Variants in FANCB observed in about 807,000 individuals in gnomAD.
FANCB encodes the protein Fanconi anemia group B protein.
In FANCB, 5 loss-of-function variants were observed where a neutral mutation model predicts 38.9. The ratio of observed to expected loss-of-function variants is 0.13; its 90% CI spans 0.07 to 0.27. FANCB has a LOEUF of 0.27. Among genes scored for constraint, FANCB ranks in the 10% least tolerant of loss-of-function variants. The pLI is 1.00. For synonymous variants in FANCB, 236 were observed against 215.4 expected (o/e 1.10, Z -0.84); for missense variants, 573 against 602.7 (o/e 0.95, Z 0.52).
At chrX:14,694,873 G>T in the FANCB span, among the ~76,000 whole-genome samples, 1 of 111,749 alleles carries the variant, frequency 8.9e-6, no homozygotes, top group Non-Finnish European at 1.9e-5. Flanking sequence ...AATTGAATAT[G>T]ACTCACAGAT....
the FANCB span, among the ~76,000 whole-genome samples, chrX:14,799,087 A>T: frequency 2.2e-4 from 25 of 111,810 alleles, no homozygotes; most frequent in South Asian, 1.9e-3. Flanking sequence ...TATTTGGTGC[A>T]AAAATGAGTG....
intron 2 of FANCB, among the ~76,000 whole-genome samples, chrX:14,867,972 A>G (rs1219881177): frequency 9.0e-6 from 1 of 111,472 alleles, no homozygotes; most frequent in Non-Finnish European, 1.9e-5. Flanking sequence ...CAATATCACT[A>G]ATCATCAGGG....
the FANCB span, among the ~76,000 whole-genome samples, chrX:14,799,064 C>G: frequency 9.0e-6 from 1 of 111,626 alleles, no homozygotes; most frequent in East Asian, 2.8e-4. Context: ...CATGACTGTT[C>G]CAGGAACATT....
the FANCB span, among the ~76,000 whole-genome samples, chrX:14,699,278 A>G: frequency 8.9e-6 from 1 of 112,161 alleles, no homozygotes; most frequent in African/African-American, 3.2e-5. Context: ...TGGCTGCACC[A>G]TGCCTTACTT....
At chrX:14,701,240 G>A in the FANCB span, among the ~76,000 whole-genome samples, 1 of 111,161 alleles carries the variant, frequency 9.0e-6, no homozygotes. Context: ...TCCATCGGAC[G>A]TAGGGGAAAT....
At chrX:14,737,817 A>C in the FANCB span, among the ~76,000 whole-genome samples, 10 of 112,127 alleles carry the variant, frequency 8.9e-5, no homozygotes, top group African/African-American at 3.2e-4. Context: ...CTTATTGGTC[A>C]TTCCTTTCCA....
At chrX:14,769,063 G>C in the FANCB span, among the ~76,000 whole-genome samples, 1 of 111,329 alleles carries the variant, frequency 9.0e-6, no homozygotes, top group Non-Finnish European at 1.9e-5. Context: ...CAGTTTGCCA[G>C]TGTTTTATTG....
At chrX:14,696,166 GAGA>G in the FANCB span, among the ~76,000 whole-genome samples, 1 of 98,260 alleles carries the variant, frequency 1.0e-5, no homozygotes, top group South Asian at 6.0e-4. Flanking sequence ...ACCAAGAAAG[GAGA>G]AGAAGGGAGG....
At chrX:14,821,059 T>C in the FANCB span, among the ~76,000 whole-genome samples, 997 of 111,972 alleles carry the variant, frequency 8.9e-3, 24 homozygotes, top group Admixed American at 0.086. Context: ...ATATATATTC[T>C]GAATGCCTAA....
chrX:14,829,078 C>A, the FANCB span, among the ~76,000 whole-genome samples: 2 of 110,648 alleles, frequency 1.8e-5, no homozygotes, highest in South Asian at 7.5e-4. Context: ...ATGTTGAATT[C>A]TTTCCAGATA....
chrX:14,828,619 C>T, the FANCB span, among the ~76,000 whole-genome samples: 3 of 112,138 alleles, frequency 2.7e-5, no homozygotes, highest in African/African-American at 9.7e-5. Context: ...GCTATTTCCA[C>T]CACATCTGCA....
chrX:14,865,548 A>G lies in FANCB; in HGVS notation c.-38T>C, dbSNP rs1034274645. 16 of 1,035,192 alleles carry G rather than the reference A, an allele frequency of 1.5e-5. No homozygotes were observed. Among genetic ancestry groups the G allele is most frequent in the Admixed American group, 2.2e-5 (1 of 45,392 alleles). The allele number at this position is 1,035,192 out of a possible 1,213,427, so 85.3% of individuals were successfully genotyped here. On this transcript the variant is annotated 5_prime_UTR_variant, in exon 3 of 10. Coordinates refer to ENST00000650831, the MANE Select transcript of FANCB (RefSeq NM_001018113.3). ...AGTCTTTGTGCTGATCTAATTTTCA[A>G]ATGCAAATTGATTCCAGTTGATGTT...
chrX:14,833,593 G>A (rs752450204), downstream of FANCB, among the ~76,000 whole-genome samples: 17 of 110,708 alleles, frequency 1.5e-4, no homozygotes, highest in South Asian at 3.8e-4. Flanking sequence ...GAAGCCCTGC[G>A]CCCTGAAATG....
At chrX:14,748,913 A>G in the FANCB span, among the ~76,000 whole-genome samples, 3 of 112,358 alleles carry the variant, frequency 2.7e-5, no homozygotes, top group African/African-American at 9.7e-5. Context: ...TTGATAGTGT[A>G]TAGAAGACAG....
At chrX:14,851,676 G>C (rs1261068637) in intron 6 of FANCB, among the ~76,000 whole-genome samples, 1 of 111,859 alleles carries the variant, frequency 8.9e-6, no homozygotes, top group East Asian at 2.8e-4. Context: ...ATGGGGCCTT[G>C]CACATAGTGG....
the FANCB span, among the ~76,000 whole-genome samples, chrX:14,704,853 AATTTTAGAGGTCAAT>A: frequency 8.9e-6 from 1 of 112,007 alleles, no homozygotes; most frequent in Non-Finnish European, 1.9e-5. Flanking sequence ...GTTTTCACAA[AATTTTAGAGGTCAAT>A]ATCAGAAAAA....
the FANCB span, among the ~76,000 whole-genome samples, chrX:14,801,918 T>C: frequency 3.6e-5 from 4 of 111,018 alleles, no homozygotes; most frequent in African/African-American, 1.3e-4. Flanking sequence ...AAATGGACAA[T>C]AAGAAGCGCT....
chrX:14,725,337 C>T, the FANCB span, among the ~76,000 whole-genome samples: 1 of 111,534 alleles, frequency 9.0e-6, no homozygotes, highest in African/African-American at 3.3e-5. Context: ...ATCATTCAAC[C>T]ATCATTTGCT....
At chrX:14,726,912 C>T in the FANCB span, among the ~76,000 whole-genome samples, 7 of 111,812 alleles carry the variant, frequency 6.3e-5, no homozygotes, top group African/African-American at 2.3e-4. Flanking sequence ...GAACTATATG[C>T]TTAATCATGA....
Sources: gnomAD v4.1 joint callset for allele counts (sites outside exome capture counted in the v4.1 genomes callset) on GRCh38, gnomAD v4.1.1 for gene constraint, MANE v1.5 for transcripts, NCBI Gene and HGNC (gene_info 2026-07-23, HGNC 2026-07-21) for gene names.